Variants in RELN observed in about 807,000 individuals in gnomAD.
The protein encoded by RELN is reelin.
RELN carries 108 observed loss-of-function variants against 427.6 expected under a neutral mutation model. The observed-to-expected ratio is 0.25, with a 90% CI of 0.22 to 0.30. RELN has a LOEUF of 0.30. RELN is among the 10% of genes least tolerant of loss of function. The pLI, the probability that RELN is intolerant of heterozygous loss-of-function variation, is 1.00. For synonymous variants in RELN, 1,524 were observed against 1,513.4 expected (o/e 1.01, Z -0.16); for missense variants, 3,715 against 4,302.8 (o/e 0.86, Z 3.82).
chr7:103,843,173 C>T (rs1584288806), intron 2 of RELN, among the ~76,000 whole-genome samples: 1 of 151,892 alleles, frequency 6.6e-6, no homozygotes, highest in South Asian at 2.1e-4. Context: ...TATTATCATT[C>T]CCATTTTAAA....
intron 19 of RELN, among the ~76,000 whole-genome samples, chr7:103,630,791 T>G (rs1235149834): frequency 1.3e-5 from 2 of 151,012 alleles, no homozygotes; most frequent in African/African-American, 4.9e-5. Context: ...CAAAGTACAA[T>G]TAAACACCAG....
chr7:103,660,238 T>C (rs1002401321), intron 12 of RELN, among the ~76,000 whole-genome samples: 14 of 152,084 alleles, frequency 9.2e-5, no homozygotes, highest in African/African-American at 1.4e-4. Context: ...TACAACTTTT[T>C]TGGAGGAGGG....
chr7:103,832,926 T>C (rs753990228), intron 3 of RELN, among the ~76,000 whole-genome samples: 1 of 152,180 alleles, frequency 6.6e-6, no homozygotes, highest in African/African-American at 2.4e-5. Flanking sequence ...GTCTTCACCA[T>C]ATTTTCTGAA....
intron 1 of RELN, among the ~76,000 whole-genome samples, chr7:103,971,549 A>G (rs1796765407): frequency 1.3e-5 from 2 of 152,238 alleles, no homozygotes; most frequent in Non-Finnish European, 2.9e-5. Context: ...TTTTAAACCT[A>G]TAGATATACC....
At chr7:103,751,771 A>G (rs1286496078) in intron 5 of RELN, among the ~76,000 whole-genome samples, 1 of 152,222 alleles carries the variant, frequency 6.6e-6, no homozygotes, top group Non-Finnish European at 1.5e-5. Flanking sequence ...ATAAAAGTAG[A>G]GCTTCTCAAG....
In RELN at chr7:103,684,166, A is replaced by G. The variant is rs913101780; in HGVS notation, c.1144-1905T>C. ...ATTTCTTTCTAAGGAGTTGATAATC[A>G]TAGGCCCTGTATTTTGGAGCCTTAG... On this transcript the variant is annotated intron_variant, in intron 10 of 64. Coordinates refer to ENST00000428762, the MANE Select transcript of RELN (RefSeq NM_005045.4). Among the ~76,000 whole-genome samples, 50 of 152,158 alleles carry G rather than the reference A, an allele frequency of 3.3e-4. 1 individual carries two copies. Among genetic ancestry groups the G allele is most frequent in the Non-Finnish European group, 5.9e-5 (4 of 68,038 alleles).
intron 24 of RELN, among the ~76,000 whole-genome samples, chr7:103,600,651 T>G (rs952366517): frequency 2.0e-5 from 3 of 152,154 alleles, no homozygotes; most frequent in Non-Finnish European, 4.4e-5. Flanking sequence ...CTTAAGATAG[T>G]TCCTCTTACT....
chr7:103,491,854 TCTCACACACACA>T (rs1237368497), intron 58 of RELN, 87 bp downstream of exon 58: 9 of 377,936 alleles, frequency 2.4e-5, no homozygotes, highest in African/African-American at 1.2e-4. Flanking sequence ...TCTCTCTCTC[TCTCACACACACA>T]CACACACACA....
chr7:103,960,302 T>C (rs1340313963), intron 1 of RELN, among the ~76,000 whole-genome samples: 1 of 152,178 alleles, frequency 6.6e-6, no homozygotes. Context: ...GTTTCCTATA[T>C]GTTTATGGTT....
intron 2 of RELN, among the ~76,000 whole-genome samples, chr7:103,889,284 A>G (rs1794792889): frequency 6.6e-6 from 1 of 152,206 alleles, no homozygotes; most frequent in Non-Finnish European, 1.5e-5. Flanking sequence ...CTTTGCTGGC[A>G]GCTCCTGAGC....
rs114272211 is a variant in RELN at position 103,972,919 on chromosome 7, T to C, written c.226+16212A>G. Among the ~76,000 whole-genome samples the C allele has an allele frequency of 7.7e-3, 1,169 of 151,864 alleles. 16 individuals are homozygous for C. Among genetic ancestry groups the C allele is most frequent in the African/African-American group, 0.026 (1,078 of 41,346 alleles). On this transcript the variant is annotated intron_variant, in intron 1 of 64. Transcript: ENST00000428762. ...ATGTGTGTGTGTGTGTGTGTGTGTG[T>C]GCTACAAGATTAGATAGAAAAACTT...
chr7:103,541,910 A>G (rs1472655875), intron 43 of RELN, among the ~76,000 whole-genome samples: 1 of 152,248 alleles, frequency 6.6e-6, no homozygotes, highest in Non-Finnish European at 1.5e-5. Flanking sequence ...CAAATTTATG[A>G]TCAATAAATG....
intron 20 of RELN, among the ~76,000 whole-genome samples, chr7:103,618,362 G>T (rs1041543752): frequency 1.3e-5 from 2 of 152,114 alleles, no homozygotes; most frequent in Admixed American, 6.6e-5. Context: ...CCTGTTACTC[G>T]TCTCTAGCCT....
intron 46 of RELN, among the ~76,000 whole-genome samples, chr7:103,529,683 CCAT>C (rs1476156886): frequency 6.6e-6 from 1 of 151,974 alleles, no homozygotes; most frequent in African/African-American, 2.4e-5. Context: ...TCTCCTCAGA[CCAT>C]CTCTCTTAGG....
chr7:103,838,654 C>T (rs1793474341), intron 2 of RELN, among the ~76,000 whole-genome samples: 1 of 152,132 alleles, frequency 6.6e-6, no homozygotes, highest in Admixed American at 6.5e-5. Context: ...CTGCAGGAGT[C>T]TGCCTGGCCA....
At chr7:103,835,524 G>C (rs112517827) in intron 2 of RELN, among the ~76,000 whole-genome samples, 1 of 152,152 alleles carries the variant, frequency 6.6e-6, no homozygotes, top group African/African-American at 2.4e-5. Flanking sequence ...GTTGACGGTA[G>C]GGGAGGTTTT....
intron 31 of RELN, among the ~76,000 whole-genome samples, chr7:103,571,012 G>T (rs192760012): frequency 3.5e-4 from 53 of 152,256 alleles, no homozygotes; most frequent in African/African-American, 1.3e-3. Flanking sequence ...GTCTATAAAA[G>T]CTTCTATACT....
At chr7:103,652,333 CA>C (rs1832936312) in intron 14 of RELN, among the ~76,000 whole-genome samples, 1 of 151,044 alleles carries the variant, frequency 6.6e-6, no homozygotes, top group South Asian at 2.1e-4. Flanking sequence ...TACCTAAGAT[CA>C]AGCTCTTAGA....
intron 4 of RELN, among the ~76,000 whole-genome samples, chr7:103,760,404 T>C (rs975838934): frequency 6.6e-6 from 1 of 152,140 alleles, no homozygotes; most frequent in Non-Finnish European, 1.5e-5. Flanking sequence ...GTTATTTTCT[T>C]GACATATGTG....
Sources: allele counts gnomAD v4.1 joint callset (sites outside exome capture counted in the v4.1 genomes callset), GRCh38; gene constraint gnomAD v4.1.1; transcripts MANE v1.5; gene names NCBI Gene and HGNC (gene_info 2026-07-23, HGNC 2026-07-21).